IGF1R: variants seen among roughly 807,000 people sequenced by gnomAD.
The protein encoded by IGF1R is insulin-like growth factor 1 receptor.
Under a neutral mutation model 144.6 loss-of-function variants are expected in IGF1R, and 44 were observed. That is an observed-to-expected ratio of 0.30 (90% confidence interval 0.24 to 0.39). The LOEUF (loss-of-function observed/expected upper bound fraction) is 0.39. Among genes scored for constraint, IGF1R ranks in the 10% least tolerant of loss-of-function variants. The probability of loss-of-function intolerance (pLI) is 1.00; values close to 1 mark genes in which losing one functional copy is unlikely to be tolerated. For missense variants in IGF1R, 1,355 were observed against 1,833.7 expected, an observed-to-expected ratio of 0.74 and a Z score of 4.77; for synonymous variants, 795 against 722.8, an observed-to-expected ratio of 1.10 and a Z score of -1.60.
intron 1 of IGF1R, among the ~76,000 whole-genome samples, chr15:98,651,287 G>A (rs1448671572): frequency 2.0e-5 from 3 of 152,206 alleles, no homozygotes; most frequent in Non-Finnish European, 4.4e-5. Flanking sequence ...AGAGCAGATC[G>A]TGGTTCGCGT....
At chr15:98,872,127 A>G (rs1235004923) in intron 2 of IGF1R, among the ~76,000 whole-genome samples, 3 of 152,250 alleles carry the variant, frequency 2.0e-5, no homozygotes, top group African/African-American at 7.2e-5. Context: ...TCTTGGGTAA[A>G]CCCATGTCCA....
At chr15:98,829,177 A>T (rs191646153) in intron 2 of IGF1R, among the ~76,000 whole-genome samples, 50 of 152,288 alleles carry the variant, frequency 3.3e-4, no homozygotes, top group African/African-American at 1.2e-3. Flanking sequence ...TTCTTACCAC[A>T]TCTGGCATGT....
rs188114099 is a variant in IGF1R, at chr15:98,668,421, T to C, written c.94+18746T>C. Reference sequence around the variant, plus strand: ...AGGTCTGAGAGTTGGTTACAGATCATTAAAATTTACATGGAATCCAGTACT... The same window carrying C: ...AGGTCTGAGAGTTGGTTACAGATCACTAAAATTTACATGGAATCCAGTACT... On this transcript the variant is annotated intron_variant, in intron 1 of 20. Coordinates refer to ENST00000650285, the MANE Select transcript of IGF1R (RefSeq NM_000875.5). 2.6e-5 allele frequency among the ~76,000 whole-genome samples: 4 copies of C among 152,306 alleles called. No homozygotes were observed. In the East Asian group the frequency reaches 7.7e-4, roughly 29 times the overall value.
chr15:98,850,733 C>G (rs78389547), intron 2 of IGF1R, among the ~76,000 whole-genome samples: 3,645 of 151,600 alleles, frequency 0.024, 151 homozygotes, highest in African/African-American at 0.084. Flanking sequence ...TGGACAAGGG[C>G]TTGGCACTTG....
chr15:98,880,064 C>T (rs1351514362), intron 2 of IGF1R, among the ~76,000 whole-genome samples: 3 of 152,134 alleles, frequency 2.0e-5, no homozygotes, highest in African/African-American at 7.2e-5. Context: ...TTGTACAACT[C>T]TCTAAATATA....
intron 2 of IGF1R, among the ~76,000 whole-genome samples, chr15:98,781,498 T>C (rs985458387): frequency 6.6e-6 from 1 of 152,252 alleles, no homozygotes; most frequent in Non-Finnish European, 1.5e-5. Context: ...ACTCTGCTTA[T>C]AGTGGAACCT....
chr15:98,705,118 C>T (rs192849941), intron 1 of IGF1R, among the ~76,000 whole-genome samples: 1 of 152,184 alleles, frequency 6.6e-6, no homozygotes, highest in Non-Finnish European at 1.5e-5. Flanking sequence ...GTATGAGTGG[C>T]ACAGGAAGCC....
intron 1 of IGF1R, among the ~76,000 whole-genome samples, chr15:98,697,197 T>G (rs1258902353): frequency 6.6e-6 from 1 of 152,174 alleles, no homozygotes; most frequent in Non-Finnish European, 1.5e-5. Flanking sequence ...AAGAACTGTG[T>G]TGGGGTACAG....
intron 2 of IGF1R, among the ~76,000 whole-genome samples, chr15:98,871,758 C>T (rs748613045): frequency 3.9e-5 from 6 of 152,176 alleles, no homozygotes; most frequent in Non-Finnish European, 5.9e-5. Context: ...GGGAAAAACC[C>T]ACCCCATGAT....
chr15:98,667,217 T>C (rs1394759193), intron 1 of IGF1R, among the ~76,000 whole-genome samples: 2 of 152,250 alleles, frequency 1.3e-5, no homozygotes, highest in African/African-American at 4.8e-5. Context: ...TTATTGCTAA[T>C]CAGCCATGTG....
intron 2 of IGF1R, among the ~76,000 whole-genome samples, chr15:98,803,795 G>A (rs943392692): frequency 2.0e-5 from 3 of 152,014 alleles, no homozygotes; most frequent in Admixed American, 1.3e-4. Context: ...CATGAGCCAC[G>A]GCGCCTGGCC....
chr15:98,650,278 C>CT (rs1290793586), intron 1 of IGF1R, among the ~76,000 whole-genome samples: 1 of 152,214 alleles, frequency 6.6e-6, no homozygotes. Context: ...GCCCAACGTG[C>CT]TTTTGCCCCT....
intron 2 of IGF1R, among the ~76,000 whole-genome samples, chr15:98,811,529 CAAA>C (rs34508591): frequency 1.5e-5 from 2 of 134,274 alleles, no homozygotes; most frequent in Non-Finnish European, 3.2e-5. Flanking sequence ...AACTCCATCT[CAAA>C]AAAAAAAAAA....
At chr15:98,865,788 G>A (rs890401023) in intron 2 of IGF1R, among the ~76,000 whole-genome samples, 5 of 152,224 alleles carry the variant, frequency 3.3e-5, no homozygotes, top group African/African-American at 1.2e-4. Context: ...GAAGTGGAGG[G>A]CTCAGGATTC....
Position 98,737,835 on chromosome 15 carries a change from C to G in IGF1R, c.640+29728C>G, listed in dbSNP as rs566466112. Among the ~76,000 whole-genome samples the G allele has an allele frequency of 1.5e-4, 23 of 152,296 alleles. No homozygotes were observed. In the South Asian group the frequency reaches 4.4e-3, roughly 29 times the overall value. On this transcript the variant is annotated intron_variant, in intron 2 of 20. Coordinates refer to ENST00000650285, the MANE Select transcript of IGF1R (RefSeq NM_000875.5). ...TGTCGTCTTCTGTGCCTCTCTCTCTCTCTTGCTCAGGGTCTCCAGTCAGCC... is the reference window on the plus strand; with the variant it reads ...TGTCGTCTTCTGTGCCTCTCTCTCTGTCTTGCTCAGGGTCTCCAGTCAGCC...
Position 98,964,223 on chromosome 15 carries a change from T to A in IGF1R, c.*6781T>A, listed in dbSNP as rs1039382100. On this transcript the variant is annotated 3_prime_UTR_variant, in exon 21 of 21. Coordinates refer to ENST00000650285, the MANE Select transcript of IGF1R (RefSeq NM_000875.5). ...CTTGTTAAAAAAAAATTTTTTTAAG[T>A]AAGAAAAAAAAAGGTAATAACATGG... 5.2e-5 allele frequency: 12 copies of A among 231,244 alleles called. No homozygotes were observed. Among genetic ancestry groups the A allele is most frequent in the Admixed American group, 5.1e-4 (9 of 17,676 alleles). The allele number at this position is 231,244 out of a possible 1,614,324, so 14.3% of individuals were successfully genotyped here.
intron 2 of IGF1R, among the ~76,000 whole-genome samples, chr15:98,799,600 C>G (rs530348034): frequency 6.6e-6 from 1 of 152,124 alleles, no homozygotes; most frequent in African/African-American, 2.4e-5. Flanking sequence ...CTTGTTTCCT[C>G]GGCTGTCAGT....
chr15:98,917,773 A>G (rs1157200261), intron 10 of IGF1R, among the ~76,000 whole-genome samples: 2 of 152,220 alleles, frequency 1.3e-5, no homozygotes, highest in Non-Finnish European at 2.9e-5. Flanking sequence ...TGTGAAATAT[A>G]TGGAATGGGC....
chr15:98,767,376 C>CT, intron 2 of IGF1R, among the ~76,000 whole-genome samples: 1 of 152,236 alleles, frequency 6.6e-6, no homozygotes, highest in Middle Eastern at 3.4e-3. Flanking sequence ...CAGGTTGCTC[C>CT]TGCTATGAAG....
Sources: allele counts gnomAD v4.1 joint callset (sites outside exome capture counted in the v4.1 genomes callset), GRCh38; gene constraint gnomAD v4.1.1; transcripts MANE v1.5; gene names NCBI Gene and HGNC (gene_info 2026-07-23, HGNC 2026-07-21).